Variants in MAGI2 observed in about 807,000 individuals in gnomAD.
MAGI2 encodes membrane associated guanylate kinase, WW and PDZ domain containing 2.
Under a neutral mutation model 133.3 loss-of-function variants are expected in MAGI2, and 35 were observed. That is an observed-to-expected ratio of 0.26 (90% CI 0.20 to 0.35). The LOEUF (loss-of-function observed/expected upper bound fraction) is 0.35, where lower values mean the gene tolerates loss of function less well. Ranked by LOEUF, MAGI2 falls within the 10% of genes least tolerant of loss-of-function variation. The probability of loss-of-function intolerance (pLI) is 1.00; values close to 1 mark genes in which losing one functional copy is unlikely to be tolerated. For missense variants in MAGI2, 1,636 were observed against 1,863.4 expected, an observed-to-expected ratio of 0.88 and a Z score of 2.25; for synonymous variants, 729 against 710.6, an observed-to-expected ratio of 1.03 and a Z score of -0.41.
intron 6 of MAGI2, among the ~76,000 whole-genome samples, chr7:78,436,449 T>TTA (rs1205447440): frequency 6.6e-5 from 10 of 152,264 alleles, no homozygotes; most frequent in East Asian, 5.8e-4. Flanking sequence ...CCTGGAACCA[T>TTA]TATTAGACAA....
At chr7:79,028,231 GTATGTATATATATATA>G (rs1810110683) in intron 1 of MAGI2, among the ~76,000 whole-genome samples, 4 of 30,880 alleles carry the variant, frequency 1.3e-4, no homozygotes, top group African/African-American at 3.2e-4. Flanking sequence ...ATATATATAT[GTATGTATATATATATA>G]TATATATATA....
At chr7:78,823,696 A>T (rs1790370287) in intron 2 of MAGI2, among the ~76,000 whole-genome samples, 4 of 152,204 alleles carry the variant, frequency 2.6e-5, no homozygotes, top group Non-Finnish European at 4.4e-5. Flanking sequence ...TAGGTAGAAG[A>T]ATAAGAGCTG....
chr7:78,773,663 A>T (rs896664990), intron 2 of MAGI2, among the ~76,000 whole-genome samples: 1 of 152,210 alleles, frequency 6.6e-6, no homozygotes, highest in Non-Finnish European at 1.5e-5. Flanking sequence ...GAGGCAGGAC[A>T]GTCACATAGA....
chr7:78,268,706 C>G (rs1794261419), intron 9 of MAGI2, among the ~76,000 whole-genome samples: 1 of 152,148 alleles, frequency 6.6e-6, no homozygotes, highest in African/African-American at 2.4e-5. Context: ...TTAAGACAGG[C>G]TAAAATTAAT....
chr7:79,050,650 TG>T (rs1414697607), intron 1 of MAGI2, among the ~76,000 whole-genome samples: 1 of 152,198 alleles, frequency 6.6e-6, no homozygotes, highest in Non-Finnish European at 1.5e-5. Flanking sequence ...CCCAAAGTTT[TG>T]GGAACAAAAG....
chr7:79,272,305 G>A (rs1040087785), intron 1 of MAGI2, among the ~76,000 whole-genome samples: 8 of 152,036 alleles, frequency 5.3e-5, no homozygotes, highest in African/African-American at 1.9e-4. Flanking sequence ...AAACCATGCG[G>A]CAACTAAATG....
intron 12 of MAGI2, among the ~76,000 whole-genome samples, chr7:78,192,860 G>C (rs1224616508): frequency 6.6e-6 from 1 of 152,094 alleles, no homozygotes; most frequent in Admixed American, 6.6e-5. Flanking sequence ...CAGCAGCAGC[G>C]GCACAGGGAG....
intron 1 of MAGI2, among the ~76,000 whole-genome samples, chr7:79,089,931 G>A (rs569781685): frequency 3.9e-5 from 6 of 151,908 alleles, no homozygotes; most frequent in South Asian, 4.2e-4. Context: ...ACCATGGCAC[G>A]TGTATACCTA....
At chr7:79,171,304 CT>C (rs1041047927) in intron 1 of MAGI2, among the ~76,000 whole-genome samples, 3 of 152,134 alleles carry the variant, frequency 2.0e-5, no homozygotes, top group African/African-American at 4.8e-5. Flanking sequence ...TATTCTCCCC[CT>C]GAGTGTGCCT....
intron 2 of MAGI2, among the ~76,000 whole-genome samples, chr7:78,681,584 T>A (rs756915457): frequency 2.0e-5 from 3 of 152,154 alleles, no homozygotes; most frequent in Non-Finnish European, 4.4e-5. Flanking sequence ...TCCAAGGCCC[T>A]TACTCTTTTC....
chr7:78,851,178 GA>G (rs754538162), intron 2 of MAGI2, among the ~76,000 whole-genome samples: 1 of 152,090 alleles, frequency 6.6e-6, no homozygotes, highest in African/African-American at 2.4e-5. Flanking sequence ...TAAATACCGT[GA>G]TTACATTTTC....
chr7:78,116,766 T>C (rs1006987479), intron 20 of MAGI2, among the ~76,000 whole-genome samples: 2 of 151,898 alleles, frequency 1.3e-5, no homozygotes, highest in Non-Finnish European at 2.9e-5. Context: ...TGGTCCTTGC[T>C]ACTTGGGAGG....
At chr7:79,266,395 T>C (rs1361951252) in intron 1 of MAGI2, among the ~76,000 whole-genome samples, 1 of 152,048 alleles carries the variant, frequency 6.6e-6, no homozygotes, top group African/African-American at 2.4e-5. Context: ...CATCACAGTG[T>C]CATTTGTTCC....
intron 2 of MAGI2, among the ~76,000 whole-genome samples, chr7:78,787,933 T>C (rs1826969469): frequency 6.6e-6 from 1 of 152,238 alleles, no homozygotes; most frequent in African/African-American, 2.4e-5. Context: ...TTTGATTTAG[T>C]CTTATTTTGT....
intron 6 of MAGI2, among the ~76,000 whole-genome samples, chr7:78,381,255 G>C (rs1041651698): frequency 2.6e-5 from 4 of 152,256 alleles, no homozygotes; most frequent in African/African-American, 9.6e-5. Context: ...GCTGAGGCAA[G>C]AGAATGGCTT....
chr7:78,135,157 G>C lies in MAGI2; in HGVS notation c.2895C>G (p.Arg965=). The change falls in exon 17 of 22, where the codon CGC becomes CGG. Residue 965 remains arginine (R), a synonymous_variant. Coordinates refer to ENST00000354212, the MANE Select transcript of MAGI2 (RefSeq NM_012301.4). ...GGTCTCCCACTTTTAGTTTTGCACA[G>C]CGATCTGCAGGACTCCCATCAATGA... The part of the protein sequence containing the change: ...GRIIDGSPAD[R]CAKLKVGDRI... 1 of 1,614,156 alleles carries C rather than the reference G, an allele frequency of 6.2e-7. No individual in the cohort carries two copies. Among genetic ancestry groups the C allele is most frequent in the Non-Finnish European group, 8.5e-7 (1 of 1,180,034 alleles).
chr7:78,508,682 A>G (rs73139209), intron 4 of MAGI2, among the ~76,000 whole-genome samples: 10,363 of 152,076 alleles, frequency 0.068, 698 homozygotes, highest in African/African-American at 0.18. Flanking sequence ...CGCACACATC[A>G]TATATATATC....
At chr7:79,383,351 A>G (rs1843933497) in intron 1 of MAGI2, among the ~76,000 whole-genome samples, 1 of 151,660 alleles carries the variant, frequency 6.6e-6, no homozygotes, top group South Asian at 2.1e-4. Context: ...TAGAAATACC[A>G]TAGACATGGC....
chr7:79,384,465 A>AAT (rs1844036414), intron 1 of MAGI2, among the ~76,000 whole-genome samples: 1 of 106,270 alleles, frequency 9.4e-6, no homozygotes, highest in Non-Finnish European at 1.8e-5. Context: ...AAGTCAAATA[A>AAT]CTTAGATCAT....
Sources: allele counts gnomAD v4.1 joint callset (sites outside exome capture counted in the v4.1 genomes callset), GRCh38; gene constraint gnomAD v4.1.1; transcripts MANE v1.5; gene names NCBI Gene and HGNC (gene_info 2026-07-23, HGNC 2026-07-21).